PPP1R13L: variants seen among roughly 807,000 people sequenced by gnomAD.
PPP1R13L encodes relA-associated inhibitor.
A neutral mutation model predicts 80.9 loss-of-function variants in PPP1R13L; 50 were observed. The ratio of observed to expected loss-of-function variants is 0.62; its 90% confidence interval spans 0.49 to 0.78. PPP1R13L has a LOEUF of 0.78. Ranked by LOEUF, PPP1R13L falls within the 30% of genes least tolerant of loss-of-function variation. The probability of loss-of-function intolerance (pLI) is 0.00; values close to 1 mark genes in which losing one functional copy is unlikely to be tolerated. For synonymous variants in PPP1R13L, 602 were observed against 534.3 expected (o/e 1.13, Z -1.75); for missense variants, 1,200 against 1,205.9 (o/e 1.00, Z 0.07).
At position 45,392,085 on chromosome 19, in the gene PPP1R13L, G is replaced by A. The variant is rs780012562; in HGVS notation, c.1610C>T (p.Pro537Leu). The A allele has an allele frequency of 6.5e-7, 1 of 1,539,976 alleles. No individual in the cohort carries two copies. The highest frequency in any genetic ancestry group is 2.1e-5 in the Admixed American group (1 of 48,268). ...CTGCTGGTACTGTTTCTTGTGGGTA[G>A]GGGGCAGGGCCACAGCAGGGGCCTG... ...MEQAPAVALPPTHKKQYQQII... is the reference protein window; with the variant it reads ...MEQAPAVALPLTHKKQYQQII... Residue 537 changes from proline to leucine, a missense_variant, in exon 8 of 13, where the codon CCT becomes CTT. By Grantham distance (98) the Pro-to-Leu change is moderately conservative. Transcript: ENST00000360957.
At position 45,396,012 on chromosome 19, in the gene PPP1R13L, G is replaced by A. The variant is rs1490326781; in HGVS notation, c.904-126C>T. On this transcript the variant is annotated intron_variant, in intron 6 of 12. Transcript: ENST00000360957. This position sits in a 1 kb window ranked among gnomAD's most constrained non-coding sequence, Gnocchi z 5.3. ...GGGAGTGAGGGAGAAGAAAGGGTGA[G>A]GAAGGAGCAGAAACCCAGCACAGTG... The A allele has an allele frequency of 3.9e-6, 5 of 1,273,646 alleles. No homozygotes were observed. Among genetic ancestry groups the A allele is most frequent in the Non-Finnish European group, 4.3e-6 (4 of 926,334 alleles). The allele number at this position is 1,273,646 out of a possible 1,614,324, so 78.9% of individuals were successfully genotyped here. A position where few individuals can be genotyped will look rare whatever the true frequency, so the allele number is the denominator to read the frequency against.
rs1030666602 is a variant in PPP1R13L, at chr19:45,379,836, G to C, written c.*354C>G. On this transcript the variant is annotated 3_prime_UTR_variant, in exon 13 of 13. Transcript: ENST00000360957. ...GACTCCCAGGAATATCCAGTGGTGT[G>C]GTGGCCCATCCCAGGCCCGGCTGGG... The C allele has an allele frequency of 4.2e-5, 10 of 235,744 alleles. No individual in the cohort carries two copies. The highest frequency in any genetic ancestry group is 2.3e-4 in the African/African-American group (10 of 43,748). 14.6% of individuals were successfully genotyped at this position (235,744 alleles called of 1,614,324 possible). A position where few individuals can be genotyped will look rare whatever the true frequency, so the allele number is the denominator to read the frequency against.
At position 45,398,110 on chromosome 19, in the gene PPP1R13L, C is replaced by T. The variant is rs1973151367; in HGVS notation, c.93G>A (p.Glu31=). The T allele has an allele frequency of 6.2e-7, 1 of 1,614,070 alleles. No individual in the cohort carries two copies. The highest frequency in any genetic ancestry group is 1.7e-5 in the Admixed American group (1 of 59,996). ...AMKHMDLKQM[E]LDTAAAKVDE... The stretch of plus-strand genomic sequence containing the variant: ...CCACCTTGGCCGCCGCCGTGTCCAG[C>T]TCCATCTGCTTCAGATCCATGTGTT... Residue 31 remains glutamate, a synonymous_variant, in exon 3 of 13, where the codon GAG becomes GAA. Coordinates refer to ENST00000360957, the MANE Select transcript of PPP1R13L (RefSeq NM_006663.4).
chr19:45,396,071 G>A lies in PPP1R13L; in HGVS notation c.903+97C>T. 7.1e-7 allele frequency: 1 copy of A among 1,415,620 alleles called. No individual in the cohort carries two copies. Among genetic ancestry groups the A allele is most frequent in the Non-Finnish European group, 9.6e-7 (1 of 1,046,110 alleles). 87.7% of individuals were successfully genotyped at this position (1,415,620 alleles called of 1,614,324 possible). ...GCGTGGGAACGGGCGCCGAGACCCA[G>A]ATCGCAGCCCCGAGGGGGAGACTGG... On this transcript the variant is annotated intron_variant, in intron 6 of 12. Coordinates refer to ENST00000360957, the MANE Select transcript of PPP1R13L (RefSeq NM_006663.4). This position sits in a 1 kb window ranked among gnomAD's most constrained non-coding sequence, Gnocchi z 5.3.
At chr19:45,401,672 A>T (rs1973235618) in intron 1 of PPP1R13L, among the ~76,000 whole-genome samples, 1 of 152,168 alleles carries the variant, frequency 6.6e-6, no homozygotes, top group Non-Finnish European at 1.5e-5. Context: ...AGAATTCTCC[A>T]ATTTGTCTAA....
At chr19:45,400,225 T>C (rs1973203861) in intron 1 of PPP1R13L, among the ~76,000 whole-genome samples, 1 of 151,902 alleles carries the variant, frequency 6.6e-6, no homozygotes, top group Admixed American at 6.6e-5. Context: ...GAGGTCTGGC[T>C]CTCACTGACC....
At position 45,391,871 on chromosome 19, in the gene PPP1R13L, ATTAC is replaced by A; in HGVS notation, c.1815+5_1815+8del. The A allele has an allele frequency of 1.4e-6, 2 of 1,464,602 alleles. No homozygotes were observed. Among genetic ancestry groups the A allele is most frequent in the Non-Finnish European group, 1.8e-6 (2 of 1,112,966 alleles). 90.7% of individuals were successfully genotyped at this position (1,464,602 alleles called of 1,614,324 possible). On this transcript the variant is annotated splice_donor_5th_base_variant and intron_variant, in intron 8 of 12. Coordinates refer to ENST00000360957, the MANE Select transcript of PPP1R13L (RefSeq NM_006663.4). ...CAAACATACCCCGGTTTCCTCCTGTATTACTTACCATGCTCTGCGGCTGCTCTGG... is the reference window on the plus strand; with the variant it reads ...CAAACATACCCCGGTTTCCTCCTGTATTACCATGCTCTGCGGCTGCTCTGG...
At chr19:45,381,317 C>T (rs1972759465) in intron 12 of PPP1R13L, among the ~76,000 whole-genome samples, 1 of 151,716 alleles carries the variant, frequency 6.6e-6, no homozygotes, top group Admixed American at 6.6e-5. Context: ...CCGCCTTGGC[C>T]TCCCAAAGTG....
chr19:45,405,931 A>G (rs1030744941), upstream of PPP1R13L, among the ~76,000 whole-genome samples: 12 of 152,192 alleles, frequency 7.9e-5, no homozygotes, highest in African/African-American at 2.9e-4. Context: ...GGAGTCGCCG[A>G]TCAGGTCCCT....
In PPP1R13L at chr19:45,392,037, C is replaced by T. The variant is rs144725425; in HGVS notation, c.1658G>A (p.Arg553His). ...YQQIISRLFH[R>H]HGGPGPGGPE... ...CCCCCCGGGCCCTGGCCCCCCATGA[C>T]GATGGAAGAGGCGGCTGATGATCTG... The change falls in exon 8 of 13, where the codon CGT becomes CAT. Residue 553 changes from arginine (R) to histidine (H), a missense_variant. By Grantham distance (29) the Arg-to-His change is conservative (BLOSUM62 0). Coordinates refer to ENST00000360957, the MANE Select transcript of PPP1R13L (RefSeq NM_006663.4). The T allele has an allele frequency of 8.7e-5, 134 of 1,543,350 alleles. No individual in the cohort carries two copies. The highest frequency in any genetic ancestry group is 1.1e-4 in the Non-Finnish European group (128 of 1,147,908).
In PPP1R13L at chr19:45,382,996, C is replaced by CTTTCTT. The variant is rs569515406; in HGVS notation, c.2249-271_2249-270insAAGAAA. Among the ~76,000 whole-genome samples, 81 of 126,268 alleles carry CTTTCTT rather than the reference C, an allele frequency of 6.4e-4. 2 individuals carry two copies. The highest frequency in any genetic ancestry group is 4.2e-3 in the Middle Eastern group (1 of 238). The allele number at this position is 126,268 out of a possible 152,430, so 82.8% of individuals were successfully genotyped here. A position where few individuals can be genotyped will look rare whatever the true frequency, so the allele number is the denominator to read the frequency against. On this transcript the variant is annotated intron_variant, in intron 11 of 12. Coordinates refer to ENST00000360957, the MANE Select transcript of PPP1R13L (RefSeq NM_006663.4). ...TCAGAGGCTCCCATTTCTTTTCTTT[C>CTTTCTT]TTTTTTTTTTTTTTTTGAGACAGAG...
intron 12 of PPP1R13L, 107 bp downstream of exon 12, chr19:45,382,420 C>A: frequency 7.5e-7 from 1 of 1,328,750 alleles, no homozygotes; most frequent in Non-Finnish European, 1.0e-6. Context: ...CCTCCCTCTC[C>A]CAATATAACG....
chr19:45,381,692 A>T (rs35188198), intron 12 of PPP1R13L, among the ~76,000 whole-genome samples: 113 of 151,056 alleles, frequency 7.5e-4, no homozygotes, highest in African/African-American at 2.6e-3. Context: ...GGACTTTGGG[A>T]GGCTGAGGCG....
At position 45,385,882 on chromosome 19, in the gene PPP1R13L, T is replaced by C. The variant is rs1185907832; in HGVS notation, c.2023A>G (p.Ile675Val). 1.2e-6 allele frequency: 2 copies of C among 1,611,156 alleles called. No individual in the cohort carries two copies. Among genetic ancestry groups the C allele is most frequent in the East Asian group, 2.2e-5 (1 of 44,772 alleles). ...HNAICGANYS[I>V]VDFLITAGAN... The stretch of plus-strand genomic sequence containing the variant: ...CCCGCGGTGATGAGGAAATCCACGA[T>C]AGAGTAGTTGGCGCCGCAGATGGCG... Residue 675 changes from isoleucine to valine, a missense_variant, in exon 10 of 13, where the codon ATC becomes GTC. By Grantham distance (29) the Ile-to-Val change is conservative (BLOSUM62 3). This residue lies in a region of PPP1R13L where 214 missense variants were observed against 199.6 expected (regional missense o/e 1.07). Coordinates refer to ENST00000360957, the MANE Select transcript of PPP1R13L (RefSeq NM_006663.4).
At chr19:45,391,484 T>C (rs896926161) in intron 8 of PPP1R13L, among the ~76,000 whole-genome samples, 1 of 152,208 alleles carries the variant, frequency 6.6e-6, no homozygotes, top group South Asian at 2.1e-4. Context: ...ACAGCTATCC[T>C]AAAGACTACA....
rs746248732 is a variant in PPP1R13L, at chr19:45,380,268, C to A, written c.2449-40G>T. The A allele has an allele frequency of 1.9e-6, 3 of 1,610,392 alleles. No individual in the cohort carries two copies. In the African/African-American group the frequency reaches 4.0e-5, roughly 22 times the overall value. ...GATCTTCAGACATCAGGAGCTCCCA[C>A]CTCCTCATCCCACATGCAAATCCGC... On this transcript the variant is annotated intron_variant, in intron 12 of 12. Transcript: ENST00000360957.
At chr19:45,398,805 T>C (rs1973170401) in intron 1 of PPP1R13L, among the ~76,000 whole-genome samples, 4 of 151,752 alleles carry the variant, frequency 2.6e-5, no homozygotes, top group Admixed American at 1.3e-4. Context: ...CGTGTCCATC[T>C]CTTTATCTCA....
chr19:45,400,525 T>C (rs1232172182), intron 1 of PPP1R13L, among the ~76,000 whole-genome samples: 1 of 151,350 alleles, frequency 6.6e-6, no homozygotes, highest in Admixed American at 6.6e-5. Context: ...GAACAGGGAG[T>C]GTGTGACCTT....
At chr19:45,402,014 C>T (rs549826174) in intron 1 of PPP1R13L, 2 of 152,052 alleles carry the variant, frequency 1.3e-5, no homozygotes, top group African/African-American at 4.8e-5. Context: ...TCTCGTAATC[C>T]GTAAAATGGG....
Sources: allele counts gnomAD v4.1 joint callset (sites outside exome capture counted in the v4.1 genomes callset), GRCh38; gene constraint gnomAD v4.1.1; regional missense constraint gnomAD v4.1.1; non-coding constraint Gnocchi (gnomAD v3.1); transcripts MANE v1.5; gene names NCBI Gene and HGNC (gene_info 2026-07-23, HGNC 2026-07-21).